SMURF2: variants seen among roughly 807,000 people sequenced by gnomAD.
The protein encoded by SMURF2 is E3 ubiquitin-protein ligase SMURF2.
In SMURF2, 48 loss-of-function variants were observed where a neutral mutation model predicts 109.6. The ratio of observed to expected loss-of-function variants is 0.44; its 90% CI spans 0.35 to 0.56. The LOEUF (loss-of-function observed/expected upper bound fraction) is 0.56, where lower values mean the gene tolerates loss of function less well. Among genes scored for constraint, SMURF2 ranks in the 20% least tolerant of loss-of-function variants. The pLI, the probability that SMURF2 is intolerant of heterozygous loss-of-function variation, is 0.01. For synonymous variants in SMURF2, 288 were observed against 317.1 expected, an observed-to-expected ratio of 0.91 and a Z score of 0.97; for missense variants, 575 against 909.0, an observed-to-expected ratio of 0.63 and a Z score of 4.72.
chr17:64,591,462 T>C (rs536804702), intron 4 of SMURF2, among the ~76,000 whole-genome samples: 1 of 152,316 alleles, frequency 6.6e-6, no homozygotes, highest in East Asian at 1.9e-4. Context: ...ATCAGATAAT[T>C]ATGCCAAACT....
In SMURF2 at chr17:64,578,518, G is replaced by A; in HGVS notation, c.831C>T (p.Ser277=). 3.1e-6 allele frequency: 5 copies of A among 1,613,568 alleles called. No individual in the cohort carries two copies. Among genetic ancestry groups the A allele is most frequent in the South Asian group, 1.1e-5 (1 of 91,062 alleles). The stretch of plus-strand genomic sequence containing the variant: ...TGGGCACTCTTGGATCATGCCATGT[G>A]CTCACACCAGTCTGTGTATGTAAGA... ...VYFLHTQTGV[S]TWHDPRVPRD... The change falls in exon 9 of 19, where the codon AGC becomes AGT. Residue 277 remains serine, a synonymous_variant. Transcript: ENST00000262435.
At chr17:64,646,365 CTTTTTTTTTTTCTTTCT>C (rs1970559036) in intron 1 of SMURF2, among the ~76,000 whole-genome samples, 1 of 136,066 alleles carries the variant, frequency 7.3e-6, no homozygotes, top group Non-Finnish European at 1.6e-5. Flanking sequence ...TGGAATTTTT[CTTTTTTTTTTTCTTTCT>C]TTTTTTTTTT....
intron 1 of SMURF2, among the ~76,000 whole-genome samples, chr17:64,658,231 C>A (rs1281101481): frequency 6.6e-6 from 1 of 152,106 alleles, no homozygotes; most frequent in Non-Finnish European, 1.5e-5. Flanking sequence ...GTGGTGGGCG[C>A]CTGTAATCCC....
At chr17:64,602,666 C>T (rs1474541598) in intron 2 of SMURF2, among the ~76,000 whole-genome samples, 2 of 152,096 alleles carry the variant, frequency 1.3e-5, no homozygotes, top group Admixed American at 6.6e-5. Flanking sequence ...CAGTGGCTCA[C>T]GCCTGTAATC....
At chr17:64,628,500 T>G (rs1446283258) in intron 1 of SMURF2, among the ~76,000 whole-genome samples, 1 of 152,204 alleles carries the variant, frequency 6.6e-6, no homozygotes, top group Non-Finnish European at 1.5e-5. Flanking sequence ...TCCAAATTCA[T>G]ATACATGTCT....
rs781801641 is a variant in SMURF2, at chr17:64,555,006, G to A, written c.1611-13C>T. 1.9e-6 allele frequency: 3 copies of A among 1,608,370 alleles called. No individual in the cohort carries two copies. Among genetic ancestry groups the A allele is most frequent in the Middle Eastern group, 1.7e-4 (1 of 6,046 alleles). On this transcript the variant is annotated splice_polypyrimidine_tract_variant and intron_variant, in intron 14 of 18. Transcript: ENST00000262435. ...AATATCATTCTCACTGGATAGGAAA[G>A]AGGAAAAGATATGTAACTGGGAAAC... is the stretch of plus-strand genomic sequence containing the variant.
chr17:64,606,472 C>T, intron 2 of SMURF2, 130 bp downstream of exon 2: 1 of 727,228 alleles, frequency 1.4e-6, no homozygotes, highest in Non-Finnish European at 2.3e-6. Flanking sequence ...TGGCTCTGAA[C>T]CGAAGCATTC....
At chr17:64,661,799 TGCCCA>T in intron 1 of SMURF2, 25 bp downstream of exon 1, 1 of 1,191,128 alleles carries the variant, frequency 8.4e-7, no homozygotes. Context: ...ACCCCGCGGC[TGCCCA>T]GCCCGGCCCG....
At chr17:64,571,072 T>C (rs1397942156) in intron 10 of SMURF2, among the ~76,000 whole-genome samples, 1 of 152,200 alleles carries the variant, frequency 6.6e-6, no homozygotes, top group African/African-American at 2.4e-5. Flanking sequence ...ATGAGCCACA[T>C]GCCTGGCCTT....
chr17:64,641,175 T>A (rs782493925), intron 1 of SMURF2, among the ~76,000 whole-genome samples: 1 of 152,184 alleles, frequency 6.6e-6, no homozygotes, highest in Non-Finnish European at 1.5e-5. Context: ...TTATGGATTT[T>A]ATACTTTAAT....
intron 1 of SMURF2, among the ~76,000 whole-genome samples, chr17:64,634,268 CT>C (rs1555691888): frequency 6.6e-6 from 1 of 152,212 alleles, no homozygotes; most frequent in East Asian, 1.9e-4. Context: ...TCATTTTCAG[CT>C]GGGCATTTCT....
At chr17:64,590,715 C>A (rs1969739155) in intron 5 of SMURF2, among the ~76,000 whole-genome samples, 1 of 152,090 alleles carries the variant, frequency 6.6e-6, no homozygotes, top group Non-Finnish European at 1.5e-5. Flanking sequence ...AGCTGTAAAG[C>A]ATTAAACATT....
intron 1 of SMURF2, among the ~76,000 whole-genome samples, chr17:64,659,348 C>G (rs1970744590): frequency 6.6e-6 from 1 of 152,100 alleles, no homozygotes; most frequent in Admixed American, 6.6e-5. Context: ...AATTTTAAAA[C>G]ACCTTATAGC....
intron 1 of SMURF2, among the ~76,000 whole-genome samples, chr17:64,636,614 A>T (rs1310251744): frequency 8.7e-5 from 13 of 149,396 alleles, no homozygotes; most frequent in African/African-American, 2.2e-4. Flanking sequence ...AAAAAAAAAA[A>T]AAAAAAAAAA....
intron 3 of SMURF2, among the ~76,000 whole-genome samples, chr17:64,594,752 C>T (rs1331255359): frequency 7.9e-5 from 12 of 151,934 alleles, no homozygotes; most frequent in African/African-American, 2.9e-4. Flanking sequence ...TTTAGGAGGC[C>T]GAGGCAGGCA....
At chr17:64,661,499 G>T (rs1970775393) in intron 1 of SMURF2, among the ~76,000 whole-genome samples, 1 of 152,184 alleles carries the variant, frequency 6.6e-6, no homozygotes, top group South Asian at 2.1e-4. Context: ...CACCTGGGCG[G>T]TAGCCCAGGG....
At chr17:64,654,605 G>A (rs1268526918) in intron 1 of SMURF2, among the ~76,000 whole-genome samples, 6 of 152,042 alleles carry the variant, frequency 3.9e-5, no homozygotes, top group African/African-American at 9.7e-5. Flanking sequence ...CGAGGCAAGC[G>A]GATCACCTGA....
chr17:64,546,240 A>C (rs781811647), intron 18 of SMURF2, 23 bp downstream of exon 18: 2 of 1,608,726 alleles, frequency 1.2e-6, no homozygotes, highest in Admixed American at 1.7e-5. Context: ...GGAATGGGGA[A>C]TACAGCTACA....
chr17:64,616,915 C>T (rs1349608299), intron 1 of SMURF2, among the ~76,000 whole-genome samples: 1 of 148,758 alleles, frequency 6.7e-6, no homozygotes, highest in Non-Finnish European at 1.5e-5. Context: ...CAAAAATATA[C>T]AAAAAAAGAA....
Sources: allele counts gnomAD v4.1 joint callset (sites outside exome capture counted in the v4.1 genomes callset), GRCh38; gene constraint gnomAD v4.1.1; transcripts MANE v1.5; gene names NCBI Gene and HGNC (gene_info 2026-07-23, HGNC 2026-07-21).